The following CROCC2 variants were observed in gnomAD, a reference collection of about 807,000 sequenced individuals.
CROCC2 encodes ciliary rootlet coiled-coil protein 2.
CROCC2 carries 163 observed loss-of-function variants against 177.6 expected under a neutral mutation model. The ratio of observed to expected loss-of-function variants is 0.92; its 90% CI spans 0.81 to 1.05. The LOEUF is 1.05. Ranked by LOEUF, CROCC2 falls within the 50% of genes least tolerant of loss-of-function variation. The probability of loss-of-function intolerance (pLI) is 0.00; values close to 1 mark genes in which losing one functional copy is unlikely to be tolerated. For synonymous variants in CROCC2, 904 were observed against 787.3 expected, an observed-to-expected ratio of 1.15 and a Z score of -2.48; for missense variants, 1,929 against 1,797.8, an observed-to-expected ratio of 1.07 and a Z score of -1.32.
At chr2:240,969,948 T>C (rs1366552944) in intron 27 of CROCC2, among the ~76,000 whole-genome samples, 5 of 152,218 alleles carry the variant, frequency 3.3e-5, no homozygotes, top group Non-Finnish European at 7.3e-5. Context: ...CAGACTGGTC[T>C]TGAACTCCTG....
chr2:240,968,148 C>T lies in CROCC2; in HGVS notation c.4287C>T (p.Gly1429=), dbSNP rs1019293755. Residue 1429 remains glycine, a synonymous_variant, in exon 27 of 32, where the codon GGC becomes GGT. Coordinates refer to ENST00000690015, the MANE Select transcript of CROCC2 (RefSeq NM_001351305.2). ...CCACAGGCCAGCGCCGGGTGGAGGG[C>T]GCGCTGAGCAGCGCCCGGGCAGCAC... ...EAEEGQRRVE[G]ALSSARAARA... is the part of the protein sequence containing the mutation. 1.1e-5 allele frequency: 17 copies of T among 1,502,872 alleles called. No individual in the cohort carries two copies. The highest frequency in any genetic ancestry group is 2.5e-5 in the East Asian group (1 of 39,996). 93.1% of individuals were successfully genotyped at this position (1,502,872 alleles called of 1,614,324 possible). A position where few individuals can be genotyped will look rare whatever the true frequency, so the allele number is the denominator to read the frequency against.
intron 18 of CROCC2, 189 bp downstream of exon 18, chr2:240,950,699 CCATT>C: frequency 1.7e-6 from 1 of 583,942 alleles, no homozygotes; most frequent in Non-Finnish European, 3.0e-6. Context: ...AGCCATCTGT[CCATT>C]CATTCACCCA....
Position 240,964,529 on chromosome 2 carries a change from G to C in CROCC2, c.3369G>C (p.Ala1123=), listed in dbSNP as rs185664112. 7 of 1,549,304 alleles carry C rather than the reference G, an allele frequency of 4.5e-6. No homozygotes were observed. The highest frequency in any genetic ancestry group is 5.2e-6 in the Non-Finnish European group (6 of 1,146,886). The change falls in exon 22 of 32, where the codon GCG becomes GCC. Residue 1123 remains alanine, a synonymous_variant. Transcript: ENST00000690015. ...KLLILEEAQA[A]LQQEASALRA... ...TCATCCTGGAGGAGGCCCAGGCGGC[G>C]TTGCAGCAGGAGGCCAGTGCACTGC... is the stretch of plus-strand genomic sequence containing the variant.
rs945168667 is a variant in CROCC2, at chr2:240,917,811, G to C, written c.79-915G>C. ...GCTGTGGCCTTGCGTATTCCTGCGG[G>C]ATCCTGCCTGGGCTTCTGCTGGTTT... On this transcript the variant is annotated intron_variant, in intron 1 of 31. Transcript: ENST00000690015. The surrounding 1 kb of genome is among the most constrained non-coding windows in gnomAD (Gnocchi z 4.9). Among the ~76,000 whole-genome samples the C allele has an allele frequency of 7.2e-5, 11 of 152,216 alleles. No individual in the cohort carries two copies. Among genetic ancestry groups the C allele is most frequent in the African/African-American group, 2.7e-4 (11 of 41,452 alleles).
In CROCC2 at chr2:240,966,346, G is replaced by A; in HGVS notation, c.4083G>A (p.Val1361=). 1 of 405,374 alleles carries A rather than the reference G, an allele frequency of 2.5e-6. No individual in the cohort carries two copies. The highest frequency in any genetic ancestry group is 4.3e-6 in the Non-Finnish European group (1 of 229,906). 25.1% of individuals were successfully genotyped at this position (405,374 alleles called of 1,614,324 possible). ...GCCGCAGCTCAGAGCTCATGGATGT[G>A]GCCACCGTGCAGGACATCCTGCGGG... ...PGGRSSELMD[V]ATVQDILRDF... Residue 1361 remains valine, a synonymous_variant, in exon 25 of 32, where the codon GTG becomes GTA. Coordinates refer to ENST00000690015, the MANE Select transcript of CROCC2 (RefSeq NM_001351305.2).
chr2:240,925,197 A>T lies in CROCC2; in HGVS notation c.489-527A>T, dbSNP rs925023621. Among the ~76,000 whole-genome samples the T allele has an allele frequency of 2.0e-5, 3 of 152,228 alleles. 1 individual carries two copies. The highest frequency in any genetic ancestry group is 2.0e-4 in the Admixed American group (3 of 15,290). On this transcript the variant is annotated intron_variant, in intron 4 of 31. Coordinates refer to ENST00000690015, the MANE Select transcript of CROCC2 (RefSeq NM_001351305.2). ...TTTGAGGGGGAAGAAAAATAACCCA[A>T]GAGGAGGCTTAGGCCTGGCGGGGGT...
intron 31 of CROCC2, among the ~76,000 whole-genome samples, chr2:240,992,680 C>A (rs1344385803): frequency 3.3e-5 from 5 of 152,170 alleles, no homozygotes; most frequent in African/African-American, 1.2e-4. Flanking sequence ...GGCACAGGTG[C>A]CCCGATAGGC....
At position 240,923,380 on chromosome 2, in the gene CROCC2, G is replaced by A. The variant is rs182549147; in HGVS notation, c.488+735G>A. On this transcript the variant is annotated intron_variant, in intron 4 of 31. Transcript: ENST00000690015. ...GATCACCCACTCACACCCTGAGATGGAGCTGACGATGTCATGCCTGGGCTT... is the reference window on the plus strand; with the variant it reads ...GATCACCCACTCACACCCTGAGATGAAGCTGACGATGTCATGCCTGGGCTT... Among the ~76,000 whole-genome samples, 19 of 151,678 alleles carry A rather than the reference G, an allele frequency of 1.3e-4. No individual in the cohort carries two copies. The East Asian group carries it at 3.3e-3, about 26-fold the overall frequency.
chr2:240,934,477 T>A lies in CROCC2; in HGVS notation c.1791+2T>A. 1.3e-6 allele frequency: 2 copies of A among 1,547,254 alleles called. No individual in the cohort carries two copies. The highest frequency in any genetic ancestry group is 8.7e-7 in the Non-Finnish European group (1 of 1,146,358). ...GGACTGCGCAGCGCCCTGGCGCGGG[T>A]ACACTCTGCTCCCCACAACCCCGCC... On this transcript the variant is annotated splice_donor_variant, in intron 12 of 31. Coordinates refer to ENST00000690015, the MANE Select transcript of CROCC2 (RefSeq NM_001351305.2). LOFTEE classifies it high-confidence loss of function.
chr2:240,914,775 C>T (rs1281395253), intron 1 of CROCC2, among the ~76,000 whole-genome samples: 5 of 152,172 alleles, frequency 3.3e-5, no homozygotes, highest in Non-Finnish European at 5.9e-5. Context: ...CCAAGCAGGA[C>T]GGGACGACGG....
At chr2:240,976,086 C>A (rs2059761679) in intron 27 of CROCC2, among the ~76,000 whole-genome samples, 2 of 152,252 alleles carry the variant, frequency 1.3e-5, no homozygotes, top group Admixed American at 1.3e-4. Context: ...ACCCATGCCC[C>A]AGATGGGGAG....
chr2:240,910,108 C>T (rs1227957466), intron 1 of CROCC2, among the ~76,000 whole-genome samples: 1 of 152,158 alleles, frequency 6.6e-6, no homozygotes, highest in Non-Finnish European at 1.5e-5. Flanking sequence ...CACCCTGGAG[C>T]TGGAATTGGA....
intron 28 of CROCC2, among the ~76,000 whole-genome samples, chr2:240,986,283 C>T (rs1200896573): frequency 6.6e-6 from 1 of 152,196 alleles, no homozygotes; most frequent in Non-Finnish European, 1.5e-5. Flanking sequence ...GTGCCCACCT[C>T]CCTCTGGACC....
intron 20 of CROCC2, 190 bp from the exon 21 acceptor site, chr2:240,963,366 C>T (rs1051687753): frequency 3.3e-6 from 2 of 599,470 alleles, no homozygotes; most frequent in East Asian, 2.8e-5. Context: ...CTGCCTCAGC[C>T]CGTGGAAGCC....
In CROCC2 at chr2:240,967,891, C is replaced by G. The variant is rs548624055; in HGVS notation, c.4268-238C>G. Among the ~76,000 whole-genome samples, 13 of 152,174 alleles carry G rather than the reference C, an allele frequency of 8.5e-5. No homozygotes were observed. In the East Asian group the frequency reaches 2.1e-3, roughly 25 times the overall value. ...AGAGAGGCCCCTTCCTTCTGCCCCC[C>G]ACTGCCTCACACTCACGAGTTTCTC... On this transcript the variant is annotated intron_variant, in intron 26 of 31. Coordinates refer to ENST00000690015, the MANE Select transcript of CROCC2 (RefSeq NM_001351305.2).
At chr2:240,976,734 A>T (rs1173406707) in intron 27 of CROCC2, among the ~76,000 whole-genome samples, 14 of 106,522 alleles carry the variant, frequency 1.3e-4, no homozygotes, top group African/African-American at 4.1e-4. Flanking sequence ...ATCCCTGCTC[A>T]GGCTCTGGGG....
chr2:240,922,455 G>T (rs1269551501), intron 3 of CROCC2, 84 bp from the exon 4 acceptor site: 7 of 615,278 alleles, frequency 1.1e-5, no homozygotes, highest in South Asian at 7.1e-5. Flanking sequence ...CCCCACTAAG[G>T]TCGGCTTTGT....
At chr2:240,984,531 ACACACACCCAGGCAC>A (rs2059822730) in intron 28 of CROCC2, among the ~76,000 whole-genome samples, 1 of 114,808 alleles carries the variant, frequency 8.7e-6, no homozygotes, top group African/African-American at 3.6e-5. Flanking sequence ...TGAGCATTCC[ACACACACCCAGGCAC>A]TCACTCCACA....
chr2:240,975,912 G>C (rs1476588210), intron 27 of CROCC2, among the ~76,000 whole-genome samples: 1 of 151,790 alleles, frequency 6.6e-6, no homozygotes, highest in Non-Finnish European at 1.5e-5. Context: ...TGTATTTTTA[G>C]TAGGACTGGG....
Sources: allele counts gnomAD v4.1 joint callset (sites outside exome capture counted in the v4.1 genomes callset), GRCh38; gene constraint gnomAD v4.1.1; non-coding constraint Gnocchi (gnomAD v3.1); transcripts MANE v1.5; gene names NCBI Gene and HGNC (gene_info 2026-07-23, HGNC 2026-07-21).